TTC27: variants seen among roughly 807,000 people sequenced by gnomAD.
TTC27 encodes tetratricopeptide repeat protein 27.
Under a neutral mutation model 115.9 loss-of-function variants are expected in TTC27, and 79 were observed. That is an observed-to-expected ratio of 0.68 (90% CI 0.57 to 0.82). The LOEUF (loss-of-function observed/expected upper bound fraction) is 0.82. Ranked by LOEUF, TTC27 falls within the 40% of genes least tolerant of loss-of-function variation. The pLI is 0.00. For missense variants in TTC27, 1,054 were observed against 993.1 expected (o/e 1.06, Z -0.82); for synonymous variants, 401 against 356.0 (o/e 1.13, Z -1.42).
rs386389870 is a variant in TTC27 at position 32,741,682 on chromosome 2, C to CAAAA, written c.1452+4870_1452+4873dup. Among the ~76,000 whole-genome samples the CAAAA allele has an allele frequency of 2.6e-4, 40 of 151,144 alleles. 1 individual carries two copies. The highest frequency in any genetic ancestry group is 5.9e-4 in the East Asian group (3 of 5,128). On this transcript the variant is annotated intron_variant, in intron 12 of 19. Transcript: ENST00000317907. ...ACAAAAAACAAAACAACAACAACAA[C>CAAAA]AAAAAAACAGCTGTTGCCCCAGAAC... is the stretch of plus-strand genomic sequence containing the variant.
intron 9 of TTC27, among the ~76,000 whole-genome samples, chr2:32,691,143 A>T (rs1275056304): frequency 2.0e-5 from 3 of 152,270 alleles, no homozygotes; most frequent in Admixed American, 2.0e-4. Context: ...TTTGTTTTTA[A>T]TAGAAATGAC....
intron 6 of TTC27, among the ~76,000 whole-genome samples, chr2:32,665,986 C>G (rs754445529): frequency 1.6e-4 from 25 of 152,198 alleles, no homozygotes; most frequent in Non-Finnish European, 3.2e-4. Context: ...TAATGTATGA[C>G]TTAGAGCCAG....
chr2:32,800,904 T>C (rs898826946), intron 16 of TTC27, among the ~76,000 whole-genome samples: 7 of 152,164 alleles, frequency 4.6e-5, no homozygotes, highest in Non-Finnish European at 1.0e-4. Flanking sequence ...TTTATTCGCT[T>C]GGTGATGAAA....
At chr2:32,723,656 A>T (rs962250790) in intron 10 of TTC27, among the ~76,000 whole-genome samples, 4 of 151,262 alleles carry the variant, frequency 2.6e-5, no homozygotes, top group Non-Finnish European at 5.9e-5. Flanking sequence ...ACACTTACTC[A>T]TGAAAGTAGT....
At chr2:32,685,375 C>T (rs941014116) in intron 9 of TTC27, among the ~76,000 whole-genome samples, 18 of 152,176 alleles carry the variant, frequency 1.2e-4, no homozygotes, top group Admixed American at 1.2e-3. Context: ...GACCTGGGGA[C>T]TGACCGCTTT....
At chr2:32,819,862 C>T (rs981829166) in intron 19 of TTC27, among the ~76,000 whole-genome samples, 7 of 152,318 alleles carry the variant, frequency 4.6e-5, no homozygotes, top group Non-Finnish European at 8.8e-5. Context: ...TCAGTTTCTC[C>T]GTGCTTCCTC....
intron 9 of TTC27, among the ~76,000 whole-genome samples, chr2:32,694,571 A>T (rs1180121275): frequency 6.6e-6 from 1 of 152,144 alleles, no homozygotes; most frequent in Admixed American, 6.5e-5. Context: ...TAGTGACTTT[A>T]AAAAAGTAAT....
intron 10 of TTC27, among the ~76,000 whole-genome samples, chr2:32,730,041 A>G (rs148497855): frequency 6.6e-6 from 1 of 152,280 alleles, no homozygotes; most frequent in East Asian, 1.9e-4. Flanking sequence ...CATTGTTTAT[A>G]TTCGCATTCA....
At chr2:32,669,482 C>T (rs972316659) in intron 7 of TTC27, among the ~76,000 whole-genome samples, 9 of 152,130 alleles carry the variant, frequency 5.9e-5, no homozygotes, top group Non-Finnish European at 8.8e-5. Context: ...GTGTTAAACA[C>T]ATTATTAGAT....
intron 9 of TTC27, among the ~76,000 whole-genome samples, chr2:32,696,681 G>A (rs1666999945): frequency 6.6e-6 from 1 of 152,132 alleles, no homozygotes; most frequent in African/African-American, 2.4e-5. Flanking sequence ...ATGAATATTG[G>A]TATGCAAATA....
Position 32,798,713 on chromosome 2 carries a change from A to AAATAATAAT in TTC27, c.1998+11582_1998+11590dup, listed in dbSNP as rs200425222. ...GAGCGAGACTCCAGCTCAAAAAAAA[A>AAATAATAAT]AATAATAATAATAATAATAATAATA... On this transcript the variant is annotated intron_variant, in intron 16 of 19. Transcript: ENST00000317907. Among the ~76,000 whole-genome samples the AAATAATAAT allele has an allele frequency of 1.7e-3, 235 of 142,352 alleles. 4 individuals are homozygous for AAATAATAAT. The East Asian group carries it at 0.032, about 20-fold the overall frequency. The allele number at this position is 142,352 out of a possible 152,430, so 93.4% of individuals were successfully genotyped here.
At chr2:32,811,854 C>G (rs577381804) in intron 17 of TTC27, among the ~76,000 whole-genome samples, 1 of 152,292 alleles carries the variant, frequency 6.6e-6, no homozygotes, top group South Asian at 2.1e-4. Context: ...CAAATGTACT[C>G]CTTGCGTGGG....
chr2:32,680,225 A>G (rs1485079679), intron 9 of TTC27, among the ~76,000 whole-genome samples: 2 of 152,156 alleles, frequency 1.3e-5, no homozygotes, highest in East Asian at 1.9e-4. Flanking sequence ...ATTATTTATT[A>G]TATGTGCTAT....
intron 2 of TTC27, among the ~76,000 whole-genome samples, chr2:32,631,974 A>AT (rs558253483): frequency 1.6e-3 from 240 of 150,962 alleles, no homozygotes; most frequent in Non-Finnish European, 2.8e-3. Context: ...CACCTGGCTC[A>AT]TTTTTTTTGT....
intron 18 of TTC27, among the ~76,000 whole-genome samples, chr2:32,814,786 T>C (rs1671442229): frequency 6.6e-6 from 1 of 152,220 alleles, no homozygotes; most frequent in African/African-American, 2.4e-5. Flanking sequence ...ATATACCATG[T>C]AGCTAGGTGC....
intron 4 of TTC27, among the ~76,000 whole-genome samples, chr2:32,642,868 T>A (rs542243019): frequency 6.6e-6 from 1 of 152,128 alleles, no homozygotes; most frequent in Non-Finnish European, 1.5e-5. Flanking sequence ...GGGTTTCACC[T>A]TGTTGCTCAG....
intron 12 of TTC27, among the ~76,000 whole-genome samples, chr2:32,756,814 G>C (rs1384917478): frequency 1.3e-5 from 2 of 152,202 alleles, no homozygotes; most frequent in Non-Finnish European, 1.5e-5. Flanking sequence ...ACGTGAAGGC[G>C]TGTGTGTGAG....
chr2:32,668,168 G>C (rs1665862170), intron 7 of TTC27, among the ~76,000 whole-genome samples: 1 of 151,842 alleles, frequency 6.6e-6, no homozygotes, highest in South Asian at 2.1e-4. Context: ...TCCAGCCTGG[G>C]TGACAGAGCA....
intron 10 of TTC27, among the ~76,000 whole-genome samples, chr2:32,726,171 C>A (rs541626735): frequency 1.3e-5 from 2 of 152,314 alleles, no homozygotes; most frequent in African/African-American, 4.8e-5. Context: ...ACATTTTCCC[C>A]ATTGTCTTGG....
Sources: allele counts gnomAD v4.1 joint callset (sites outside exome capture counted in the v4.1 genomes callset), GRCh38; gene constraint gnomAD v4.1.1; transcripts MANE v1.5; gene names NCBI Gene and HGNC (gene_info 2026-07-23, HGNC 2026-07-21).